Variants in PIGK observed in about 807,000 individuals in gnomAD.
PIGK encodes the protein phosphatidylinositol glycan anchor biosynthesis class K.
In PIGK, 42 loss-of-function variants were observed where a neutral mutation model predicts 50.6. That is an observed-to-expected ratio of 0.83 (90% CI 0.65 to 1.07). PIGK has a LOEUF of 1.07. Among genes scored for constraint, PIGK ranks in the 50% least tolerant of loss-of-function variants. PIGK has a pLI of 0.00. For synonymous variants in PIGK, 151 were observed against 156.0 expected, an observed-to-expected ratio of 0.97 and a Z score of 0.24; for missense variants, 448 against 488.7, an observed-to-expected ratio of 0.92 and a Z score of 0.78.
intron 9 of PIGK, among the ~76,000 whole-genome samples, chr1:77,153,204 T>C (rs1608507): frequency 0.17 from 26,575 of 152,166 alleles, 2,520 homozygotes; most frequent in East Asian, 0.36. Context: ...TCTTGTTATT[T>C]GTAACAACAT....
chr1:77,105,888 A>G (rs750469059), intron 10 of PIGK, among the ~76,000 whole-genome samples: 41 of 152,332 alleles, frequency 2.7e-4, no homozygotes, highest in Non-Finnish European at 5.7e-4. Context: ...GAGAAACAAA[A>G]ATAAGAATGA....
intron 9 of PIGK, among the ~76,000 whole-genome samples, chr1:77,133,696 C>T (rs887266651): frequency 1.3e-5 from 2 of 152,174 alleles, no homozygotes; most frequent in Non-Finnish European, 2.9e-5. Flanking sequence ...TTTAGACCAC[C>T]TGAAAATTTT....
intron 9 of PIGK, among the ~76,000 whole-genome samples, chr1:77,125,651 C>G (rs1319906839): frequency 2.0e-5 from 3 of 151,166 alleles, no homozygotes; most frequent in Non-Finnish European, 4.4e-5. Flanking sequence ...TTTTATTTTC[C>G]CTTTTGTTTT....
At chr1:77,129,402 AAC>A (rs1654311167) in intron 9 of PIGK, 1 of 1,538,162 alleles carries the variant, frequency 6.5e-7, no homozygotes, top group African/African-American at 1.4e-5. Context: ...CATGCTTAAA[AAC>A]ACAGAGAGTA....
intron 10 of PIGK, among the ~76,000 whole-genome samples, chr1:77,115,956 A>G (rs949591276): frequency 6.6e-6 from 1 of 152,200 alleles, no homozygotes; most frequent in Non-Finnish European, 1.5e-5. Flanking sequence ...GGGGAACCAG[A>G]GAAAGCCTAG....
At chr1:77,160,364 GC>G (rs1655105815) in intron 8 of PIGK, among the ~76,000 whole-genome samples, 1 of 152,126 alleles carries the variant, frequency 6.6e-6, no homozygotes, top group Non-Finnish European at 1.5e-5. Context: ...AAATTTCACA[GC>G]CTATAGCAGT....
chr1:77,141,303 T>C (rs1654646080), intron 9 of PIGK, among the ~76,000 whole-genome samples: 1 of 152,144 alleles, frequency 6.6e-6, no homozygotes, highest in African/African-American at 2.4e-5. Context: ...AGAACTCTTA[T>C]ATTTCATTAT....
Position 77,089,014 on chromosome 1 carries a change from C to A in PIGK, c.*3360G>T, listed in dbSNP as rs1329482315. 6.6e-6 allele frequency: 1 copy of A among 152,116 alleles called. No homozygotes were observed. The highest frequency in any genetic ancestry group is 1.5e-5 in the Non-Finnish European group (1 of 68,032). The allele number at this position is 152,116 out of a possible 1,614,324, so 9.4% of individuals were successfully genotyped here. A position where few individuals can be genotyped will look rare whatever the true frequency, so the allele number is the denominator to read the frequency against. On this transcript the variant is annotated 3_prime_UTR_variant, in exon 11 of 11. Transcript: ENST00000370812. ...TTTGGAGTAAATAAATTTTTAATAA[C>A]CAGTTTCTTGGTTACAACTTCATCT...
At chr1:77,121,238 C>T (rs1654088289) in intron 10 of PIGK, among the ~76,000 whole-genome samples, 1 of 152,092 alleles carries the variant, frequency 6.6e-6, no homozygotes, top group Non-Finnish European at 1.5e-5. Context: ...GTGACATTCG[C>T]AGACTGTTAG....
intron 9 of PIGK, among the ~76,000 whole-genome samples, chr1:77,148,088 T>A (rs1277314001): frequency 6.6e-6 from 1 of 152,214 alleles, no homozygotes. Flanking sequence ...AACAGTGTGT[T>A]GATAATTTAA....
intron 3 of PIGK, among the ~76,000 whole-genome samples, chr1:77,169,920 T>C (rs1033547112): frequency 1.3e-5 from 2 of 152,142 alleles, no homozygotes; most frequent in Non-Finnish European, 2.9e-5. Context: ...GATCAGCAAG[T>C]ACAATCAGTT....
intron 9 of PIGK, among the ~76,000 whole-genome samples, chr1:77,151,032 CCA>C (rs1188508475): frequency 6.6e-6 from 1 of 151,810 alleles, no homozygotes; most frequent in East Asian, 1.9e-4. Flanking sequence ...GACAAGGCCA[CCA>C]CACACACACA....
At chr1:77,184,995 G>T (rs1655706093) in intron 3 of PIGK, among the ~76,000 whole-genome samples, 2 of 152,176 alleles carry the variant, frequency 1.3e-5, no homozygotes. Flanking sequence ...AAGACAGATG[G>T]ATCTTGGAGA....
intron 10 of PIGK, among the ~76,000 whole-genome samples, chr1:77,095,635 A>G (rs887924939): frequency 6.6e-6 from 1 of 152,148 alleles, no homozygotes; most frequent in African/African-American, 2.4e-5. Flanking sequence ...ATCACAGGAA[A>G]AGCTCTGCAG....
At chr1:77,114,712 A>G (rs1285942142) in intron 10 of PIGK, among the ~76,000 whole-genome samples, 1 of 152,192 alleles carries the variant, frequency 6.6e-6, no homozygotes, top group African/African-American at 2.4e-5. Context: ...GTAATAAGTT[A>G]TAATATGAAA....
At chr1:77,162,132 G>A (rs901515511) in intron 6 of PIGK, among the ~76,000 whole-genome samples, 3 of 152,248 alleles carry the variant, frequency 2.0e-5, no homozygotes, top group South Asian at 2.1e-4. Flanking sequence ...ACATTGGAAC[G>A]TGATGAGTAC....
intron 9 of PIGK, among the ~76,000 whole-genome samples, chr1:77,131,416 T>C (rs974840792): frequency 2.0e-5 from 3 of 152,030 alleles, no homozygotes; most frequent in Non-Finnish European, 4.4e-5. Flanking sequence ...ACTCCATTAG[T>C]TGAGACTTTT....
intron 1 of PIGK, among the ~76,000 whole-genome samples, chr1:77,216,245 T>C (rs1177218351): frequency 6.6e-6 from 1 of 152,128 alleles, no homozygotes; most frequent in East Asian, 1.9e-4. Context: ...AAAATATACA[T>C]ATTACAAAAA....
intron 1 of PIGK, among the ~76,000 whole-genome samples, chr1:77,213,471 G>C (rs1656471135): frequency 6.6e-6 from 1 of 151,720 alleles, no homozygotes; most frequent in African/African-American, 2.4e-5. Context: ...ACAACCAATG[G>C]GTCAAAGAAG....
Sources: allele counts gnomAD v4.1 joint callset (sites outside exome capture counted in the v4.1 genomes callset), GRCh38; gene constraint gnomAD v4.1.1; transcripts MANE v1.5; gene names NCBI Gene and HGNC (gene_info 2026-07-23, HGNC 2026-07-21).